OLAH: variants seen among roughly 807,000 people sequenced by gnomAD.
The protein encoded by OLAH is S-acyl fatty acid synthase thioesterase, medium chain.
Under a neutral mutation model 27.8 loss-of-function variants are expected in OLAH, and 33 were observed. The observed-to-expected ratio is 1.19, with a 90% CI of 0.90 to 1.59. OLAH has a LOEUF of 1.59. Among genes scored for constraint, OLAH ranks in the 40% most tolerant of loss-of-function variants. The pLI is 0.00. For missense variants in OLAH, 359 were observed against 310.8 expected (o/e 1.16, Z -1.17); for synonymous variants, 120 against 102.9 (o/e 1.17, Z -1.01).
intron 1 of OLAH, among the ~76,000 whole-genome samples, chr10:15,036,424 G>A (rs887886093): frequency 3.9e-5 from 6 of 152,092 alleles, no homozygotes; most frequent in Non-Finnish European, 8.8e-5. Flanking sequence ...CCGAACCTGG[G>A]AGGTGGAGGT....
chr10:15,048,198 G>T (rs186877114), intron 2 of OLAH, among the ~76,000 whole-genome samples: 1 of 152,046 alleles, frequency 6.6e-6, no homozygotes, highest in Non-Finnish European at 1.5e-5. Flanking sequence ...ATAAAATTCC[G>T]GTGACATTAT....
intron 1 of OLAH, among the ~76,000 whole-genome samples, chr10:15,036,623 G>C (rs1313332170): frequency 6.6e-6 from 1 of 152,118 alleles, no homozygotes; most frequent in Non-Finnish European, 1.5e-5. Flanking sequence ...CTGAGTAGCT[G>C]GGACTACAGG....
At chr10:15,064,165 T>G (rs1168831791) in intron 4 of OLAH, among the ~76,000 whole-genome samples, 2 of 152,188 alleles carry the variant, frequency 1.3e-5, no homozygotes, top group African/African-American at 4.8e-5. Context: ...TTAAATTAAT[T>G]TGAAGACACT....
upstream of OLAH, among the ~76,000 whole-genome samples, chr10:15,042,951 C>T (rs543550508): frequency 5.3e-5 from 8 of 149,962 alleles, no homozygotes; most frequent in Non-Finnish European, 1.2e-4. Flanking sequence ...AGCTCCGCCT[C>T]CCGGGTTCAC....
intron 2 of OLAH, 78 bp from the exon 3 acceptor site, chr10:15,049,557 C>A: frequency 2.2e-6 from 2 of 918,438 alleles, no homozygotes; most frequent in Non-Finnish European, 3.1e-6. Context: ...TAAAGATTTC[C>A]ATTAAAACAC....
chr10:15,063,599 T>C (rs1324994795), intron 4 of OLAH, among the ~76,000 whole-genome samples: 1 of 152,200 alleles, frequency 6.6e-6, no homozygotes, highest in African/African-American at 2.4e-5. Context: ...AATATCAACA[T>C]TTTCAATCCC....
At chr10:15,046,723 C>G (rs1014999129) in intron 1 of OLAH, among the ~76,000 whole-genome samples, 13 of 152,128 alleles carry the variant, frequency 8.5e-5, no homozygotes, top group Admixed American at 8.5e-4. Flanking sequence ...TGAGCCGCCA[C>G]GCCCAGCCAC....
chr10:15,072,168 A>T (rs1844602519), intron 7 of OLAH, among the ~76,000 whole-genome samples: 1 of 152,032 alleles, frequency 6.6e-6, no homozygotes, highest in Non-Finnish European at 1.5e-5. Flanking sequence ...TCCTGACCTC[A>T]TGATCTGCCT....
At chr10:15,042,849 CTT>C (rs67828197), upstream of OLAH, among the ~76,000 whole-genome samples, 241 of 60,604 alleles carry the variant, frequency 4.0e-3, 2 homozygotes, top group African/African-American at 0.016. Context: ...ACCCACGTGT[CTT>C]TTTTTTTTTT....
At chr10:15,034,520 G>A (rs950833833) in intron 1 of OLAH, among the ~76,000 whole-genome samples, 4 of 152,204 alleles carry the variant, frequency 2.6e-5, no homozygotes, top group South Asian at 4.1e-4. Context: ...CAATGAAGAA[G>A]GAAGGATAAG....
Position 15,049,755 on chromosome 10 carries a change from T to C in OLAH, c.153T>C (p.Asp51=). The C allele has an allele frequency of 6.2e-7, 1 of 1,604,744 alleles. No individual in the cohort carries two copies. The highest frequency in any genetic ancestry group is 8.5e-7 in the Non-Finnish European group (1 of 1,177,818). The change falls in exon 3 of 8, where the codon GAT becomes GAC. Residue 51 remains aspartate, a synonymous_variant. Coordinates refer to ENST00000378228, the MANE Select transcript of OLAH (RefSeq NM_001039702.3). ...HFAKWGQDTH[D]LLEVHSLRLP... is the part of the protein sequence containing the mutation. The stretch of plus-strand genomic sequence containing the variant: ...CCAAATGGGGCCAAGATACTCATGA[T>C]TTGCTGGAAGGTATGTTAATTTTTA...
rs1564537343 is a variant in OLAH at position 15,073,276 on chromosome 10, T to C, written c.*47T>C. 1.6e-6 allele frequency: 2 copies of C among 1,245,120 alleles called. No homozygotes were observed. Among genetic ancestry groups the C allele is most frequent in the Non-Finnish European group, 2.3e-6 (2 of 874,366 alleles). 77.1% of individuals were successfully genotyped at this position (1,245,120 alleles called of 1,614,324 possible). ...AAATAATCAAAGTAATATCATACTCTTCTCAGTTATTCAGATATAGCTCAG... is the reference window on the plus strand; with the variant it reads ...AAATAATCAAAGTAATATCATACTCCTCTCAGTTATTCAGATATAGCTCAG... On this transcript the variant is annotated 3_prime_UTR_variant, in exon 8 of 8. Coordinates refer to ENST00000378228, the MANE Select transcript of OLAH (RefSeq NM_001039702.3).
At chr10:15,049,049 G>A (rs1484233635) in intron 2 of OLAH, among the ~76,000 whole-genome samples, 3 of 146,842 alleles carry the variant, frequency 2.0e-5, no homozygotes, top group Non-Finnish European at 4.5e-5. Context: ...GTTGCTGTGA[G>A]CCGACATTAC....
intron 1 of OLAH, among the ~76,000 whole-genome samples, chr10:15,037,012 G>A (rs1033829708): frequency 2.0e-5 from 3 of 152,212 alleles, no homozygotes; most frequent in Admixed American, 2.0e-4. Context: ...CTGGGAGGCA[G>A]AGGTTGCAGT....
chr10:15,066,103 T>C (rs574186535), intron 6 of OLAH, among the ~76,000 whole-genome samples: 3 of 152,246 alleles, frequency 2.0e-5, no homozygotes, highest in African/African-American at 7.2e-5. Flanking sequence ...AAGCCAGATG[T>C]GATGGTGCAC....
chr10:15,071,756 A>G (rs1019666046), intron 6 of OLAH, 39 bp from the exon 7 acceptor site: 1 of 1,546,820 alleles, frequency 6.5e-7, no homozygotes, highest in Non-Finnish European at 8.9e-7. Context: ...TGGGATGTTG[A>G]TTTCAAACAA....
At chr10:15,057,436 A>C (rs1589246555) in intron 3 of OLAH, among the ~76,000 whole-genome samples, 1 of 121,984 alleles carries the variant, frequency 8.2e-6, no homozygotes. Context: ...CTCGCTCTGG[A>C]GTGCAATGGC....
intron 6 of OLAH, among the ~76,000 whole-genome samples, chr10:15,067,418 A>G (rs1012250176): frequency 1.3e-5 from 2 of 152,172 alleles, no homozygotes; most frequent in African/African-American, 4.8e-5. Context: ...GTGAGAATTA[A>G]CTGCTTGGTA....
intron 1 of OLAH, among the ~76,000 whole-genome samples, chr10:15,033,589 G>A (rs752259455): frequency 9.2e-5 from 14 of 152,242 alleles, no homozygotes; most frequent in East Asian, 7.7e-4. Context: ...ACCCAAGACC[G>A]GGTAATTTAT....
Sources: gnomAD v4.1 joint callset for allele counts (sites outside exome capture counted in the v4.1 genomes callset) on GRCh38, gnomAD v4.1.1 for gene constraint, MANE v1.5 for transcripts, NCBI Gene and HGNC (gene_info 2026-07-23, HGNC 2026-07-21) for gene names.